Variants in SUGCT observed in about 807,000 individuals in gnomAD.
SUGCT encodes the protein succinyl-CoA:glutarate-CoA transferase, also known as succinyl-CoA:glutarate CoA-transferase.
A neutral mutation model predicts 55.0 loss-of-function variants in SUGCT; 41 were observed. The observed-to-expected ratio is 0.74, with a 90% CI of 0.58 to 0.97. The LOEUF (loss-of-function observed/expected upper bound fraction) is 0.97. SUGCT is among the 50% of genes least tolerant of loss of function. The probability of loss-of-function intolerance (pLI) is 0.00; values close to 1 mark genes in which losing one functional copy is unlikely to be tolerated. For missense variants in SUGCT, 568 were observed against 547.8 expected (o/e 1.04, Z -0.37); for synonymous variants, 187 against 200.4 (o/e 0.93, Z 0.56).
the SUGCT span, among the ~76,000 whole-genome samples, chr7:41,000,278 G>T: frequency 6.6e-6 from 1 of 151,738 alleles, no homozygotes; most frequent in Non-Finnish European, 1.5e-5. Flanking sequence ...ACACACACAC[G>T]CACGGACACA....
At chr7:40,381,335 A>T (rs1469627247) in intron 9 of SUGCT, among the ~76,000 whole-genome samples, 1 of 152,120 alleles carries the variant, frequency 6.6e-6, no homozygotes, top group African/African-American at 2.4e-5. Context: ...GCTCACTTTT[A>T]CAGGAATATT....
At chr7:40,783,680 CTA>C (rs1387742357) in intron 13 of SUGCT, 7 of 152,078 alleles carry the variant, frequency 4.6e-5, no homozygotes. Context: ...CTGAAGATCC[CTA>C]TGTTTTATTA....
At chr7:40,741,806 T>C (rs1250597963) in intron 12 of SUGCT, among the ~76,000 whole-genome samples, 1 of 152,166 alleles carries the variant, frequency 6.6e-6, no homozygotes. Context: ...AACAATGTTA[T>C]GAGAAAAAGC....
At position 40,439,061 on chromosome 7, in the gene SUGCT, G is replaced by GTGTGT. The variant is rs1554338574; in HGVS notation, c.817-10226_817-10225insTGTGT. On this transcript the variant is annotated intron_variant, in intron 9 of 13. Transcript: ENST00000335693. The stretch of plus-strand genomic sequence containing the variant: ...GTATATATATATATGGTATATATAT[G>GTGTGT]GTGTATATATATATATATATATATA... 6.2e-3 allele frequency among the ~76,000 whole-genome samples: 320 copies of GTGTGT among 51,854 alleles called. 16 individuals are homozygous for GTGTGT. The highest frequency in any genetic ancestry group is 0.036 in the African/African-American group (301 of 8,416). 34.0% of individuals were successfully genotyped at this position (51,854 alleles called of 152,430 possible). A position where few individuals can be genotyped will look rare whatever the true frequency, so the allele number is the denominator to read the frequency against.
At chr7:40,519,670 A>G (rs1793423352) in intron 12 of SUGCT, among the ~76,000 whole-genome samples, 1 of 152,074 alleles carries the variant, frequency 6.6e-6, no homozygotes, top group Non-Finnish European at 1.5e-5. Flanking sequence ...TATAATAAAC[A>G]TTTTAATGGG....
chr7:41,017,687 C>T, the SUGCT span, among the ~76,000 whole-genome samples: 11 of 150,560 alleles, frequency 7.3e-5, no homozygotes, highest in Admixed American at 2.7e-4. Context: ...AGGAGAATGG[C>T]GTGAACCCTG....
chr7:40,293,555 A>C (rs960200450), intron 8 of SUGCT, among the ~76,000 whole-genome samples: 1 of 152,186 alleles, frequency 6.6e-6, no homozygotes, highest in African/African-American at 2.4e-5. Flanking sequence ...AGCTTTTTGA[A>C]AAACTGATTC....
intron 12 of SUGCT, among the ~76,000 whole-genome samples, chr7:40,586,308 T>C (rs537302342): frequency 6.6e-6 from 1 of 152,360 alleles, no homozygotes; most frequent in African/African-American, 2.4e-5. Flanking sequence ...CTAGCCGTTT[T>C]GCTTGAGCAC....
At chr7:40,896,053 A>G in the SUGCT span, among the ~76,000 whole-genome samples, 5 of 152,240 alleles carry the variant, frequency 3.3e-5, no homozygotes, top group African/African-American at 1.2e-4. Flanking sequence ...AGAAAGAAGT[A>G]AAATTGTTTG....
chr7:40,847,891 G>T (rs1376818045), intron 13 of SUGCT, among the ~76,000 whole-genome samples: 1 of 152,142 alleles, frequency 6.6e-6, no homozygotes, highest in East Asian at 1.9e-4. Context: ...GCTGAGTCGT[G>T]CAATGCCCTT....
rs571047596 is a variant in SUGCT, at chr7:40,435,448, G to C, written c.817-13839G>C. 1.4e-4 allele frequency among the ~76,000 whole-genome samples: 22 copies of C among 152,180 alleles called. No homozygotes were observed. In the South Asian group the frequency reaches 4.6e-3, roughly 32 times the overall value. ...TTATGCTTACAGTTTTGCCACCAAG[G>C]CTTATAATGTCTCATATTTCCTGAA... On this transcript the variant is annotated intron_variant, in intron 9 of 13. Transcript: ENST00000335693.
intron 9 of SUGCT, among the ~76,000 whole-genome samples, chr7:40,411,251 A>G (rs1363133429): frequency 6.6e-6 from 1 of 152,018 alleles, no homozygotes; most frequent in Non-Finnish European, 1.5e-5. Context: ...AAATTAGTTG[A>G]TCATGGTGGC....
At chr7:40,199,859 A>G (rs1445589580) in intron 6 of SUGCT, among the ~76,000 whole-genome samples, 1 of 151,512 alleles carries the variant, frequency 6.6e-6, no homozygotes, top group African/African-American at 2.4e-5. Context: ...TTCCTCAGGG[A>G]CATTTCCTTA....
chr7:40,527,998 T>C (rs964158464), intron 12 of SUGCT, among the ~76,000 whole-genome samples: 4 of 152,210 alleles, frequency 2.6e-5, no homozygotes, highest in African/African-American at 4.8e-5. Flanking sequence ...TGGATAGATA[T>C]AAGTACAACA....
intron 13 of SUGCT, among the ~76,000 whole-genome samples, chr7:40,855,087 A>T (rs530879400): frequency 6.6e-6 from 1 of 150,982 alleles, no homozygotes; most frequent in South Asian, 2.1e-4. Flanking sequence ...TGAATTGTTC[A>T]CCCCTCCTCC....
chr7:40,448,046 C>T (rs755338891), intron 9 of SUGCT, among the ~76,000 whole-genome samples: 1 of 151,964 alleles, frequency 6.6e-6, no homozygotes, highest in South Asian at 2.1e-4. Flanking sequence ...AGGAACCTGT[C>T]ACCAAAAAAG....
At chr7:41,026,985 T>G in the SUGCT span, among the ~76,000 whole-genome samples, 9 of 152,238 alleles carry the variant, frequency 5.9e-5, no homozygotes, top group East Asian at 7.7e-4. Flanking sequence ...TGAGCCGAGA[T>G]CATGCCATTG....
chr7:40,256,179 C>T (rs1351301548), intron 7 of SUGCT, among the ~76,000 whole-genome samples: 1 of 152,180 alleles, frequency 6.6e-6, no homozygotes, highest in African/African-American at 2.4e-5. Flanking sequence ...TTGCATGTCT[C>T]AAGAGTCAAT....
chr7:40,324,103 T>A (rs2151129704), intron 9 of SUGCT, among the ~76,000 whole-genome samples: 1 of 152,080 alleles, frequency 6.6e-6, no homozygotes, highest in African/African-American at 2.4e-5. Flanking sequence ...TATATATAGA[T>A]CACTGCATTC....
Sources: allele counts gnomAD v4.1 joint callset (sites outside exome capture counted in the v4.1 genomes callset), GRCh38; gene constraint gnomAD v4.1.1; transcripts MANE v1.5; gene names NCBI Gene and HGNC (gene_info 2026-07-23, HGNC 2026-07-21).